Variants in VPS37B observed in about 807,000 individuals in gnomAD.
VPS37B encodes the protein VPS37B subunit of ESCRT-I.
In VPS37B, 11 loss-of-function variants were observed where a neutral mutation model predicts 21.2. The ratio of observed to expected loss-of-function variants is 0.52; its 90% CI spans 0.33 to 0.86. The LOEUF (loss-of-function observed/expected upper bound fraction) is 0.86. Among genes scored for constraint, VPS37B ranks in the 40% least tolerant of loss-of-function variants. VPS37B has a pLI of 0.03. For missense variants in VPS37B, 389 were observed against 374.8 expected (o/e 1.04, Z -0.31); for synonymous variants, 175 against 159.6 (o/e 1.10, Z -0.73).
At chr12:122,895,842 C>T (rs1369148128) in intron 1 of VPS37B, 110 bp downstream of exon 1, 1 of 960,590 alleles carries the variant, frequency 1.0e-6, no homozygotes, top group East Asian at 2.6e-5. Flanking sequence ...TAGCCCAGTC[C>T]CCTCAACACG....
In VPS37B at chr12:122,867,201, T is replaced by C; in HGVS notation, c.773A>G (p.Gln258Arg). 1.3e-6 allele frequency: 2 copies of C among 1,571,712 alleles called. No individual in the cohort carries two copies. The highest frequency in any genetic ancestry group is 1.7e-6 in the Non-Finnish European group (2 of 1,162,484). The stretch of plus-strand genomic sequence containing the variant: ...AGGTGGCGGATATGGGGACACGAAC[T>C]GCGAAGAGAATCCTTGCTGAGTGGG... ...GLPTQQGFSS[Q>R]FVSPYPPPLP... The change falls in exon 4 of 4, where the codon CAG (glutamine) becomes CGG (arginine). Residue 258 changes from glutamine to arginine, a missense_variant. Physicochemically the swap from Gln to Arg is conservative, Grantham distance 43. Transcript: ENST00000267202. This position sits in a 1 kb window ranked among gnomAD's most constrained non-coding sequence, Gnocchi z 5.5.
chr12:122,876,234 C>T (rs2034146411), intron 1 of VPS37B: 1 of 152,170 alleles, frequency 6.6e-6, no homozygotes, highest in African/African-American at 2.4e-5. Flanking sequence ...TTACTTTCCA[C>T]TTTCTACTTT....
At chr12:122,895,012 T>C (rs2034470025) in intron 1 of VPS37B, among the ~76,000 whole-genome samples, 1 of 152,060 alleles carries the variant, frequency 6.6e-6, no homozygotes, top group African/African-American at 2.4e-5. Context: ...GGGCAACCCT[T>C]ACAGAAAAAC....
chr12:122,893,373 A>C (rs759807953), intron 1 of VPS37B, among the ~76,000 whole-genome samples: 2 of 152,202 alleles, frequency 1.3e-5, no homozygotes, highest in Non-Finnish European at 2.9e-5. Flanking sequence ...ACTTGCCTGC[A>C]ATCACACAGC....
chr12:122,885,292 G>A (rs2034304708), intron 1 of VPS37B: 2 of 151,500 alleles, frequency 1.3e-5, no homozygotes, highest in Admixed American at 6.6e-5. Flanking sequence ...TCACTTTAAC[G>A]TATTTGTTTT....
chr12:122,881,159 C>T (rs2034241827), intron 1 of VPS37B: 1 of 152,252 alleles, frequency 6.6e-6, no homozygotes, highest in Non-Finnish European at 1.5e-5. Flanking sequence ...TTGAGCATAG[C>T]TAGCATGTGC....
chr12:122,872,536 G>C (rs1168584750), intron 1 of VPS37B: 7 of 985,274 alleles, frequency 7.1e-6, no homozygotes, highest in Non-Finnish European at 6.0e-6. Context: ...CTTGGGACTG[G>C]AAAGACGCAG....
At chr12:122,888,430 C>A in intron 1 of VPS37B, 1 of 392,312 alleles carries the variant, frequency 2.5e-6, no homozygotes. Flanking sequence ...AATAAACCAA[C>A]GAGAACTCTT....
At chr12:122,875,206 TG>T (rs1302506271) in intron 1 of VPS37B, 3 of 149,130 alleles carry the variant, frequency 2.0e-5, no homozygotes, top group African/African-American at 7.4e-5. Flanking sequence ...ATTACAGGTG[TG>T]TACCACACCT....
chr12:122,883,291 C>G (rs1214402387), intron 1 of VPS37B: 1 of 152,200 alleles, frequency 6.6e-6, no homozygotes, highest in African/African-American at 2.4e-5. Flanking sequence ...AAACGATCCC[C>G]TCCATATGTA....
At chr12:122,872,366 G>C in intron 1 of VPS37B, 1 of 985,390 alleles carries the variant, frequency 1.0e-6, no homozygotes, top group Non-Finnish European at 1.2e-6. Context: ...CTGCACCCAG[G>C]GCCCTAAAGA....
intron 1 of VPS37B, chr12:122,871,910 T>C: frequency 1.0e-6 from 1 of 985,334 alleles, no homozygotes; most frequent in Non-Finnish European, 1.2e-6. Flanking sequence ...GTGATCGGCT[T>C]CCTCTACCAC....
chr12:122,882,035 A>G (rs892898860), intron 1 of VPS37B: 1 of 152,162 alleles, frequency 6.6e-6, no homozygotes, highest in Non-Finnish European at 1.5e-5. Context: ...CCTAGCTACA[A>G]TGCCATAATC....
At chr12:122,884,697 TC>T (rs1173037482) in intron 1 of VPS37B, 2 of 152,228 alleles carry the variant, frequency 1.3e-5, no homozygotes, top group African/African-American at 2.4e-5. Flanking sequence ...AAGACAGAAT[TC>T]CTAAAATTCT....
chr12:122,889,277 A>G (rs2034374781), intron 1 of VPS37B: 1 of 152,358 alleles, frequency 6.6e-6, no homozygotes, highest in East Asian at 1.9e-4. Context: ...AGGAGAGGGG[A>G]AGTGAGAAAG....
Position 122,866,963 on chromosome 12 carries a change from A to T in VPS37B, c.*153T>A. On this transcript the variant is annotated 3_prime_UTR_variant, in exon 4 of 4. Coordinates refer to ENST00000267202, the MANE Select transcript of VPS37B (RefSeq NM_024667.3). ...GATGCCCAAAGCCTGGGCTCCTACT[A>T]CTCACCACTGACCTACAGTTCTAAA... The T allele has an allele frequency of 1.0e-6, 1 of 972,276 alleles. No individual in the cohort carries two copies. Among genetic ancestry groups the T allele is most frequent in the Non-Finnish European group, 1.4e-6 (1 of 709,544 alleles). 60.2% of individuals were successfully genotyped at this position (972,276 alleles called of 1,614,324 possible).
intron 1 of VPS37B, chr12:122,871,950 C>T: frequency 1.0e-6 from 1 of 985,486 alleles, no homozygotes; most frequent in Non-Finnish European, 1.2e-6. Context: ...CACTTTCCTT[C>T]CACACCGTCA....
chr12:122,872,068 C>T (rs1482802409), intron 1 of VPS37B: 8 of 985,272 alleles, frequency 8.1e-6, no homozygotes, highest in African/African-American at 1.7e-5. Context: ...ATATTTTCTA[C>T]CACCCCACCC....
In VPS37B at chr12:122,866,818, A is replaced by G; in HGVS notation, c.*298T>C. 2.9e-6 allele frequency: 1 copy of G among 344,414 alleles called. No homozygotes were observed. Among genetic ancestry groups the G allele is most frequent in the Non-Finnish European group, 5.2e-6 (1 of 191,140 alleles). The allele number at this position is 344,414 out of a possible 1,614,324, so 21.3% of individuals were successfully genotyped here. On this transcript the variant is annotated 3_prime_UTR_variant, in exon 4 of 4. Transcript: ENST00000267202. The stretch of plus-strand genomic sequence containing the variant: ...ACGATTCTAAATGGGACTGGGGGAG[A>G]GGCCTATTTCTTCCCAAACATGAGT...
Sources: gnomAD v4.1 joint callset for allele counts (sites outside exome capture counted in the v4.1 genomes callset) on GRCh38, gnomAD v4.1.1 for gene constraint, Gnocchi (gnomAD v3.1) non-coding constraint, MANE v1.5 for transcripts, NCBI Gene and HGNC (gene_info 2026-07-23, HGNC 2026-07-21) for gene names.